The following PARP16 variants were observed in gnomAD, a reference collection of about 807,000 sequenced individuals.
The protein encoded by PARP16 is protein mono-ADP-ribosyltransferase PARP16.
In PARP16, 31 loss-of-function variants were observed where a neutral mutation model predicts 35.0. The ratio of observed to expected loss-of-function variants is 0.88; its 90% CI spans 0.66 to 1.19. The LOEUF is 1.19. PARP16 is among the 50% of genes most tolerant of loss of function. The pLI, the probability that PARP16 is intolerant of heterozygous loss-of-function variation, is 0.00. For missense variants in PARP16, 424 were observed against 411.2 expected, an observed-to-expected ratio of 1.03 and a Z score of -0.27; for synonymous variants, 162 against 169.5, an observed-to-expected ratio of 0.96 and a Z score of 0.34.
intron 3 of PARP16, among the ~76,000 whole-genome samples, chr15:65,243,482 C>T (rs1595984531): frequency 6.6e-6 from 1 of 152,256 alleles, no homozygotes; most frequent in African/African-American, 2.4e-5. Context: ...AAATCCTGAG[C>T]TCAAGTGATC....
At chr15:65,283,941 C>A (rs1424179362) in intron 1 of PARP16, among the ~76,000 whole-genome samples, 16 of 152,220 alleles carry the variant, frequency 1.1e-4, no homozygotes, top group Admixed American at 9.2e-4. Flanking sequence ...CAACCTCCCA[C>A]TTCCGGTACC....
chr15:65,239,424 TAAAAAAAAAAAAA>T (rs758350761), intron 3 of PARP16, among the ~76,000 whole-genome samples: 207 of 6,974 alleles, frequency 0.03, 4 homozygotes, highest in East Asian at 0.079. Context: ...AGACTTTGCC[TAAAAAAAAAAAAA>T]AAAAAAAAAA....
rs1366942082 is a variant in PARP16 at position 65,258,286 on chromosome 15, A to G, written c.*1121T>C. 6.6e-6 allele frequency: 1 copy of G among 152,240 alleles called. No homozygotes were observed. The highest frequency in any genetic ancestry group is 6.5e-5 in the Admixed American group (1 of 15,278). 9.4% of individuals were successfully genotyped at this position (152,240 alleles called of 1,614,324 possible). On this transcript the variant is annotated 3_prime_UTR_variant, in exon 6 of 6. Transcript: ENST00000649807. ...ACCCAGCAGGAAGAAGGGAGCAGAG[A>G]ATACAGCAAGCAGGGCTCCGGCTCT... is the stretch of plus-strand genomic sequence containing the variant.
chr15:65,237,866 G>A (rs2088929858), intron 3 of PARP16, among the ~76,000 whole-genome samples: 1 of 152,204 alleles, frequency 6.6e-6, no homozygotes. Flanking sequence ...CTGATGAGCT[G>A]TACAGGCTCC....
At position 65,263,295 on chromosome 15, in the gene PARP16, T is replaced by C; in HGVS notation, c.545A>G (p.Tyr182Cys). 6.2e-7 allele frequency: 1 copy of C among 1,601,248 alleles called. No individual in the cohort carries two copies. Among genetic ancestry groups the C allele is most frequent in the Non-Finnish European group, 8.5e-7 (1 of 1,173,288 alleles). Residue 182 changes from tyrosine (Y) to cysteine (C), a missense_variant, in exon 4 of 6, where the codon TAC becomes TGC. Tyr to Cys is a radical substitution (Grantham distance 194, BLOSUM62 -2). Coordinates refer to ENST00000649807, the MANE Select transcript of PARP16 (RefSeq NM_001316943.2). ...NKTSLFGEGTYLTSDLSLALI... is the reference protein window; with the variant it reads ...NKTSLFGEGTCLTSDLSLALI... Reference sequence around the variant, plus strand: ...GGCCAGGCTCAAGTCACTGGTGAGGTAGGTCCCCTCTCCGAACAAGGATGT... The same window carrying C: ...GGCCAGGCTCAAGTCACTGGTGAGGCAGGTCCCCTCTCCGAACAAGGATGT...
intron 3 of PARP16, among the ~76,000 whole-genome samples, chr15:65,265,710 C>T (rs143933566): frequency 3.2e-4 from 48 of 152,204 alleles, no homozygotes; most frequent in East Asian, 2.5e-3. Context: ...GTGTGGATTC[C>T]GATCAGGTGG....
intron 2 of PARP16, among the ~76,000 whole-genome samples, chr15:65,253,005 C>T (rs2140787602): frequency 6.6e-6 from 1 of 152,064 alleles, no homozygotes; most frequent in East Asian, 2.0e-4. Flanking sequence ...TGGCACATGC[C>T]TGTAATCCCA....
intron 1 of PARP16, among the ~76,000 whole-genome samples, chr15:65,271,350 T>TA (rs1403334123): frequency 6.6e-6 from 1 of 152,132 alleles, no homozygotes. Context: ...CTTGGCTCAC[T>TA]GCAGCCTCTG....
downstream of PARP16, among the ~76,000 whole-genome samples, chr15:65,231,650 G>A (rs929164941): frequency 2.6e-5 from 4 of 152,136 alleles, no homozygotes; most frequent in African/African-American, 9.6e-5. Context: ...GTTTCACCAC[G>A]TTGGCCAGGC....
rs57790733 is a variant in PARP16 at position 65,235,639 on chromosome 15, C to CAA, written c.*98-818_*98-817dup. ...GCAATATGGTAAAACCCTATCTCTA[C>CAA]AAAAAAAAAAAAAAAAAAAATTAGC... On this transcript the variant is annotated intron_variant and NMD_transcript_variant, in intron 3 of 3. Transcript: ENST00000559805. 6.7e-4 allele frequency among the ~76,000 whole-genome samples: 56 copies of CAA among 83,692 alleles called. 1 individual carries two copies. The highest frequency in any genetic ancestry group is 2.3e-3 in the African/African-American group (42 of 18,456). The allele number at this position is 83,692 out of a possible 152,430, so 54.9% of individuals were successfully genotyped here.
chr15:65,270,033 G>A (rs1457154253), intron 2 of PARP16, among the ~76,000 whole-genome samples: 1 of 152,170 alleles, frequency 6.6e-6, no homozygotes, highest in African/African-American at 2.4e-5. Flanking sequence ...ATCTAACACA[G>A]AAGAATGTCC....
intron 1 of PARP16, among the ~76,000 whole-genome samples, chr15:65,278,964 G>C (rs1333217299): frequency 2.0e-5 from 3 of 152,088 alleles, no homozygotes; most frequent in Non-Finnish European, 4.4e-5. Context: ...CTGAAGAGGT[G>C]GACACCACAG....
chr15:65,263,049 T>C, intron 4 of PARP16, 100 bp downstream of exon 4: 2 of 1,124,554 alleles, frequency 1.8e-6, no homozygotes, highest in South Asian at 1.4e-5. Flanking sequence ...AGCCCAACCC[T>C]TGGGCATGCA....
At chr15:65,281,487 C>T (rs1235655890) in intron 1 of PARP16, among the ~76,000 whole-genome samples, 1 of 152,034 alleles carries the variant, frequency 6.6e-6, no homozygotes, top group Non-Finnish European at 1.5e-5. Context: ...GTCAGGAGTT[C>T]AAAACCAGCC....
chr15:65,250,964 A>G (rs995915640), intron 2 of PARP16, among the ~76,000 whole-genome samples: 1 of 151,982 alleles, frequency 6.6e-6, no homozygotes, highest in African/African-American at 2.4e-5. Flanking sequence ...CCTCGCTACA[A>G]CCTTTGCCTC....
intron 1 of PARP16, among the ~76,000 whole-genome samples, chr15:65,271,592 T>A (rs554395331): frequency 1.3e-5 from 2 of 152,146 alleles, no homozygotes; most frequent in African/African-American, 4.8e-5. Flanking sequence ...TTTGTTTTTT[T>A]TTAAACTCTT....
At chr15:65,280,804 A>AG (rs2140970248) in intron 1 of PARP16, among the ~76,000 whole-genome samples, 2 of 152,234 alleles carry the variant, frequency 1.3e-5, no homozygotes, top group East Asian at 3.9e-4. Flanking sequence ...AGAAAGAGGG[A>AG]GGAAAAAAAA....
intron 1 of PARP16, 106 bp from the exon 2 acceptor site, chr15:65,271,178 G>A (rs2090081875): frequency 2.9e-6 from 3 of 1,041,054 alleles, no homozygotes; most frequent in Non-Finnish European, 4.4e-6. Flanking sequence ...ACGTCTCAAG[G>A]GATCTCCTGA....
chr15:65,286,487 T>C lies in PARP16; in HGVS notation c.-61A>G. The C allele has an allele frequency of 4.6e-6, 6 of 1,297,352 alleles. No homozygotes were observed. The highest frequency in any genetic ancestry group is 6.0e-6 in the Non-Finnish European group (6 of 995,410). The allele number at this position is 1,297,352 out of a possible 1,614,324, so 80.4% of individuals were successfully genotyped here. A position where few individuals can be genotyped will look rare whatever the true frequency, so the allele number is the denominator to read the frequency against. On this transcript the variant is annotated 5_prime_UTR_variant, in exon 1 of 6. Coordinates refer to ENST00000649807, the MANE Select transcript of PARP16 (RefSeq NM_001316943.2). ...GGTTAGGGGCAAGGGCGAGCGTGCG[T>C]TCAGCGCGGGGGCTGGGCCCGCGGA... is the stretch of plus-strand genomic sequence containing the variant.
Sources: allele counts gnomAD v4.1 joint callset (sites outside exome capture counted in the v4.1 genomes callset), GRCh38; gene constraint gnomAD v4.1.1; transcripts MANE v1.5; gene names NCBI Gene and HGNC (gene_info 2026-07-23, HGNC 2026-07-21).